Variants in LIPA observed in about 807,000 individuals in gnomAD.
The protein encoded by LIPA is lysosomal acid lipase/cholesteryl ester hydrolase.
In LIPA, 26 loss-of-function variants were observed where a neutral mutation model predicts 40.6. The observed-to-expected ratio is 0.64, with a 90% CI of 0.47 to 0.89. The LOEUF (loss-of-function observed/expected upper bound fraction) is 0.89, where lower values mean the gene tolerates loss of function less well. Ranked by LOEUF, LIPA falls within the 40% of genes least tolerant of loss-of-function variation. The probability of loss-of-function intolerance (pLI) is 0.00; values close to 1 mark genes in which losing one functional copy is unlikely to be tolerated. For missense variants in LIPA, 455 were observed against 479.6 expected (o/e 0.95, Z 0.48); for synonymous variants, 188 against 168.4 (o/e 1.12, Z -0.90).
At chr10:89,243,281 C>A (rs574671239) in intron 3 of LIPA, among the ~76,000 whole-genome samples, 1 of 152,192 alleles carries the variant, frequency 6.6e-6, no homozygotes, top group African/African-American at 2.4e-5. Context: ...ATCAGGAAAG[C>A]GCCTATGCAG....
rs4509676 is a variant in LIPA, at chr10:89,215,360, C to G, written c.967-299G>C. On this transcript the variant is annotated intron_variant, in intron 9 of 9. Transcript: ENST00000336233. ...AAGGTGTTGTACTCCATAGGTAGTA[C>G]ACTCAAGGCAATAGTGGCTGGAAAG... Among the ~76,000 whole-genome samples the G allele has an allele frequency of 0.85, 128,678 of 152,226 alleles. 54,869 individuals carry two copies. The highest frequency in any genetic ancestry group is 0.97 in the East Asian group (5,023 of 5,182).
chr10:89,286,306 G>A (rs1028376281), intron 1 of LIPA, among the ~76,000 whole-genome samples: 2 of 151,588 alleles, frequency 1.3e-5, no homozygotes, highest in Admixed American at 1.3e-4. Context: ...CCTTTTCTAC[G>A]GACCCATCTG....
Position 89,397,530 on chromosome 10 carries a change from G to C in LIPA, c.61+15261C>G, listed in dbSNP as rs578020905. ...TTAATTTGCATTTCTCTAATGGCTAGAGGCTTAGGGCATCTTTTTTCTTTT... is the reference window on the plus strand; with the variant it reads ...TTAATTTGCATTTCTCTAATGGCTACAGGCTTAGGGCATCTTTTTTCTTTT... On this transcript the variant is annotated intron_variant, in intron 2 of 8. Transcript: ENST00000371837. 6.6e-5 allele frequency among the ~76,000 whole-genome samples: 10 copies of C among 152,186 alleles called. No individual in the cohort carries two copies. In the East Asian group the frequency reaches 1.9e-3, roughly 29 times the overall value.
At position 89,402,639 on chromosome 10, in the gene LIPA, G is replaced by A. The variant is rs940229745; in HGVS notation, c.61+10152C>T. 3.1e-6 allele frequency: 5 copies of A among 1,614,098 alleles called. No individual in the cohort carries two copies. Among genetic ancestry groups the A allele is most frequent in the East Asian group, 4.5e-5 (2 of 44,904 alleles). ...AGCCCAGACTTACCTGGACAAGGTG[G>A]AGAACATTTGCAAGAAGCTTTCAAA... is the stretch of plus-strand genomic sequence containing the variant. On this transcript the variant is annotated intron_variant, in intron 2 of 8. Coordinates refer to the LIPA transcript ENST00000371837.
upstream of LIPA, among the ~76,000 whole-genome samples, chr10:89,253,952 G>A (rs1459888172): frequency 6.6e-6 from 1 of 152,248 alleles, no homozygotes; most frequent in Non-Finnish European, 1.5e-5. Flanking sequence ...TGCAGGAGGT[G>A]GGTTCCCATG....
chr10:89,250,645 G>A (rs1231877572), intron 1 of LIPA, among the ~76,000 whole-genome samples: 1 of 152,226 alleles, frequency 6.6e-6, no homozygotes, highest in Non-Finnish European at 1.5e-5. Flanking sequence ...TGCAGGAGCT[G>A]CTTTCATTCA....
intron 2 of LIPA, among the ~76,000 whole-genome samples, chr10:89,365,335 T>C: frequency 6.6e-6 from 1 of 152,242 alleles, no homozygotes; most frequent in Non-Finnish European, 1.5e-5. Flanking sequence ...GAGTTCTTTG[T>C]AGATTCTGGG....
intron 1 of LIPA, among the ~76,000 whole-genome samples, chr10:89,302,888 C>T (rs1053866040): frequency 6.6e-6 from 1 of 152,030 alleles, no homozygotes; most frequent in Admixed American, 6.6e-5. Context: ...CTCTGGAATC[C>T]CGTGTTACCA....
At chr10:89,302,806 A>G (rs1342856858) in intron 1 of LIPA, among the ~76,000 whole-genome samples, 1 of 152,122 alleles carries the variant, frequency 6.6e-6, no homozygotes, top group Non-Finnish European at 1.5e-5. Flanking sequence ...CTCATTGAAT[A>G]GGAAGGGAAA....
chr10:89,265,543 TTTG>T (rs1843231501), intron 1 of LIPA, among the ~76,000 whole-genome samples: 2 of 152,234 alleles, frequency 1.3e-5, no homozygotes, highest in Non-Finnish European at 2.9e-5. Context: ...AAAAGATGCT[TTTG>T]TTCTTTGGGA....
At chr10:89,300,472 T>A (rs1199383640) in intron 1 of LIPA, among the ~76,000 whole-genome samples, 1 of 152,200 alleles carries the variant, frequency 6.6e-6, no homozygotes, top group African/African-American at 2.4e-5. Context: ...ATACCCCAAT[T>A]ACCCTGACTT....
chr10:89,364,374 C>T (rs1321062269), intron 2 of LIPA, among the ~76,000 whole-genome samples: 3 of 152,088 alleles, frequency 2.0e-5, no homozygotes, highest in Non-Finnish European at 4.4e-5. Context: ...TCAGGGAGTA[C>T]AGGAAGTCAA....
intron 1 of LIPA, chr10:89,278,066 T>C (rs1843297695): frequency 6.6e-6 from 1 of 152,192 alleles, no homozygotes; most frequent in African/African-American, 2.4e-5. Flanking sequence ...TTGATCAGAT[T>C]ATGCTCCTGG....
At chr10:89,395,754 A>C (rs1303017780) in intron 2 of LIPA, among the ~76,000 whole-genome samples, 1 of 152,146 alleles carries the variant, frequency 6.6e-6, no homozygotes, top group East Asian at 1.9e-4. Flanking sequence ...AATACCCTGA[A>C]GCTCTTTCAA....
chr10:89,411,901 C>T (rs949944584), intron 2 of LIPA, among the ~76,000 whole-genome samples: 5 of 152,228 alleles, frequency 3.3e-5, no homozygotes, highest in African/African-American at 1.2e-4. Flanking sequence ...GGTCCTGTGG[C>T]AGCCATCTTG....
Position 89,408,285 on chromosome 10 carries a change from C to T in LIPA, c.61+4506G>A, listed in dbSNP as rs575336886. Among the ~76,000 whole-genome samples the T allele has an allele frequency of 2.9e-4, 44 of 152,286 alleles. No homozygotes were observed. The South Asian group carries it at 8.7e-3, about 30-fold the overall frequency. On this transcript the variant is annotated intron_variant, in intron 2 of 8. Coordinates refer to the LIPA transcript ENST00000371837. ...CCTGAGGGAAGTATAAATTACAATA[C>T]TATCCTTCAGCTTGATATTTTCTGT...
intron 3 of LIPA, among the ~76,000 whole-genome samples, chr10:89,235,963 C>T (rs1031367604): frequency 4.6e-5 from 7 of 152,062 alleles, no homozygotes; most frequent in Admixed American, 4.6e-4. Flanking sequence ...CACAGGTCCA[C>T]TCATACATGG....
At chr10:89,346,947 T>C (rs1452402898), upstream of LIPA, among the ~76,000 whole-genome samples, 1 of 152,226 alleles carries the variant, frequency 6.6e-6, no homozygotes, top group African/African-American at 2.4e-5. Flanking sequence ...TTCTCTCCTT[T>C]GGTCTCCCAG....
Position 89,226,945 on chromosome 10 carries a change from G to C in LIPA, c.488C>G (p.Thr163Ser). 6.2e-7 allele frequency: 1 copy of C among 1,613,418 alleles called. No homozygotes were observed. The highest frequency in any genetic ancestry group is 8.5e-7 in the Non-Finnish European group (1 of 1,179,522). ...CACATAATACACTTGTTCTTGGCCA[G>C]TTTTATTCAGAATGAAGTTAATGGA... ...PASINFILNKTGQEQVYYVGH... is the reference protein window; with the variant it reads ...PASINFILNKSGQEQVYYVGH... The change falls in exon 5 of 10, where the codon ACT (threonine) becomes AGT (serine). Residue 163 changes from threonine to serine, a missense_variant. Physicochemically the swap from Thr to Ser is moderately conservative, Grantham distance 58. Coordinates refer to ENST00000336233, the MANE Select transcript of LIPA (RefSeq NM_000235.4).
Sources: gnomAD v4.1 joint callset for allele counts (sites outside exome capture counted in the v4.1 genomes callset) on GRCh38, gnomAD v4.1.1 for gene constraint, MANE v1.5 for transcripts, NCBI Gene and HGNC (gene_info 2026-07-23, HGNC 2026-07-21) for gene names.